SLC9B1: variants seen among roughly 807,000 people sequenced by gnomAD.
The protein encoded by SLC9B1 is sodium/hydrogen exchanger 9B1.
SLC9B1 carries 32 observed loss-of-function variants against 51.7 expected under a neutral mutation model. That is an observed-to-expected ratio of 0.62 (90% CI 0.47 to 0.83). The LOEUF (loss-of-function observed/expected upper bound fraction) is 0.83, where lower values mean the gene tolerates loss of function less well. Among genes scored for constraint, SLC9B1 ranks in the 40% least tolerant of loss-of-function variants. The pLI, the probability that SLC9B1 is intolerant of heterozygous loss-of-function variation, is 0.00. For missense variants in SLC9B1, 406 were observed against 613.2 expected (o/e 0.66, Z 3.57); for synonymous variants, 145 against 212.7 (o/e 0.68, Z 2.77).
At chr4:103,010,039 A>G (rs1262167582) in intron 1 of SLC9B1, among the ~76,000 whole-genome samples, 1 of 152,230 alleles carries the variant, frequency 6.6e-6, no homozygotes, top group African/African-American at 2.4e-5. Context: ...AATAGTATTT[A>G]GGATTTGATC....
chr4:102,991,720 T>G lies in SLC9B1; in HGVS notation c.-1-8A>C, dbSNP rs1289018707. On this transcript the variant is annotated splice_region_variant and splice_polypyrimidine_tract_variant and intron_variant, in intron 1 of 11. Transcript: ENST00000296422. Reference sequence around the variant, plus strand: ...GATTCTGTGGTATGCATGCTAAGATTTAAAAGAAAAATACTTTAAAAGAAG... The same window carrying G: ...GATTCTGTGGTATGCATGCTAAGATGTAAAAGAAAAATACTTTAAAAGAAG... The G allele has an allele frequency of 3.9e-6, 6 of 1,551,112 alleles. No individual in the cohort carries two copies. The Admixed American group carries it at 5.6e-5, about 14-fold the overall frequency.
chr4:102,998,865 A>T (rs1044297109), intron 1 of SLC9B1, among the ~76,000 whole-genome samples: 1 of 151,820 alleles, frequency 6.6e-6, no homozygotes, highest in African/African-American at 2.4e-5. Flanking sequence ...GTCCATTTTT[A>T]TTCTTATTTT....
At chr4:102,929,880 C>A (rs976652651) in intron 7 of SLC9B1, among the ~76,000 whole-genome samples, 4 of 151,980 alleles carry the variant, frequency 2.6e-5, no homozygotes, top group Non-Finnish European at 4.4e-5. Context: ...ATGACAGATA[C>A]CAATCATGAA....
chr4:102,947,329 G>T (rs1737316291), intron 4 of SLC9B1, among the ~76,000 whole-genome samples: 1 of 152,190 alleles, frequency 6.6e-6, no homozygotes, highest in African/African-American at 2.4e-5. Flanking sequence ...ATACAGAAGG[G>T]ACAGCAGAGA....
intron 1 of SLC9B1, among the ~76,000 whole-genome samples, chr4:102,992,793 T>C (rs1042911406): frequency 3.3e-5 from 5 of 152,192 alleles, no homozygotes; most frequent in Admixed American, 6.5e-5. Context: ...TATGAAGAGA[T>C]ACCTGAGTCT....
intron 11 of SLC9B1, chr4:102,885,511 C>CT: frequency 1.9e-6 from 2 of 1,073,020 alleles, no homozygotes; most frequent in Non-Finnish European, 2.8e-6. Flanking sequence ...TTTTGAAGTT[C>CT]TTTAAGATGA....
In SLC9B1 at chr4:102,966,735, C is replaced by T. The variant is rs577952017; in HGVS notation, c.212-17308G>A. The stretch of plus-strand genomic sequence containing the variant: ...TTGTCTCAATAATTATCAACTGGCT[C>T]TCTTCTCTCAGTGCTAATCTCTTTA... On this transcript the variant is annotated intron_variant, in intron 3 of 11. Coordinates refer to ENST00000296422, the MANE Select transcript of SLC9B1 (RefSeq NM_139173.4). Among the ~76,000 whole-genome samples the T allele has an allele frequency of 5.2e-4, 79 of 152,180 alleles. 1 individual carries two copies. In the Middle Eastern group the frequency reaches 0.01, roughly 20 times the overall value.
chr4:102,966,591 CT>C, intron 3 of SLC9B1, among the ~76,000 whole-genome samples: 1 of 152,306 alleles, frequency 6.6e-6, no homozygotes, highest in African/African-American at 2.4e-5. Context: ...GGAGCAGGAT[CT>C]CAAAACAGCA....
At chr4:102,987,134 T>G (rs1374836956) in intron 3 of SLC9B1, among the ~76,000 whole-genome samples, 1 of 152,144 alleles carries the variant, frequency 6.6e-6, no homozygotes, top group African/African-American at 2.4e-5. Flanking sequence ...AATTCTATAG[T>G]TCTATCACTA....
At chr4:102,998,077 G>T (rs1267780988) in intron 1 of SLC9B1, among the ~76,000 whole-genome samples, 1 of 151,984 alleles carries the variant, frequency 6.6e-6, no homozygotes, top group Non-Finnish European at 1.5e-5. Context: ...ATGTATATTT[G>T]CATTGTTAAG....
At chr4:102,899,636 A>G (rs1485165016), downstream of SLC9B1, among the ~76,000 whole-genome samples, 1 of 151,656 alleles carries the variant, frequency 6.6e-6, no homozygotes, top group Non-Finnish European at 1.5e-5. Context: ...TTGGTCTCGA[A>G]CTCCTGACCT....
chr4:102,894,147 A>G (rs1457864053), intron 11 of SLC9B1, among the ~76,000 whole-genome samples: 1 of 152,236 alleles, frequency 6.6e-6, no homozygotes, highest in Non-Finnish European at 1.5e-5. Context: ...TGAGAGGGCT[A>G]TTGTTAAGAT....
intron 3 of SLC9B1, among the ~76,000 whole-genome samples, chr4:102,982,900 G>A (rs1421763148): frequency 6.6e-6 from 1 of 151,934 alleles, no homozygotes. Context: ...TAATTCATTA[G>A]TTGGACTTCC....
chr4:103,006,561 A>T (rs1740797479), intron 1 of SLC9B1, among the ~76,000 whole-genome samples: 1 of 152,186 alleles, frequency 6.6e-6, no homozygotes, highest in Non-Finnish European at 1.5e-5. Context: ...ATTCTGCCAG[A>T]TATATAACGA....
At chr4:102,959,235 T>TATACACAC (rs1005783670) in intron 3 of SLC9B1, among the ~76,000 whole-genome samples, 222 of 149,456 alleles carry the variant, frequency 1.5e-3, no homozygotes, top group African/African-American at 5.2e-3. Context: ...CATATATATA[T>TATACACAC]ACACACACAC....
At chr4:102,977,943 T>G (rs1324274069) in intron 3 of SLC9B1, among the ~76,000 whole-genome samples, 1 of 152,176 alleles carries the variant, frequency 6.6e-6, no homozygotes, top group Non-Finnish European at 1.5e-5. Context: ...TATCTCCTAA[T>G]GCTATCCCTC....
At position 102,892,994 on chromosome 4, in the gene SLC9B1, G is replaced by C. The variant is rs190012642; in HGVS notation, c.1333-7666C>G. Among the ~76,000 whole-genome samples the C allele has an allele frequency of 5.5e-4, 83 of 152,146 alleles. 2 individuals carry two copies. The highest frequency in any genetic ancestry group is 1.6e-3 in the African/African-American group (68 of 41,518). On this transcript the variant is annotated intron_variant, in intron 11 of 11. Transcript: ENST00000394789. ...AGATGAAGGTAGAAAGATTCTCTTT[G>C]AGGGCCAGGTGCGGTGGCTCACACC...
intron 7 of SLC9B1, among the ~76,000 whole-genome samples, chr4:102,925,652 T>A (rs1578352247): frequency 1.5e-5 from 2 of 135,712 alleles, no homozygotes; most frequent in African/African-American, 5.8e-5. Context: ...TTGGAAAAAA[T>A]ATCAACATTG....
At chr4:102,935,503 A>G (rs966130318) in intron 6 of SLC9B1, among the ~76,000 whole-genome samples, 9 of 152,218 alleles carry the variant, frequency 5.9e-5, no homozygotes, top group African/African-American at 2.2e-4. Flanking sequence ...TTTAAGTAAA[A>G]TGAGACAAAT....
Sources: gnomAD v4.1 joint callset for allele counts (sites outside exome capture counted in the v4.1 genomes callset) on GRCh38, gnomAD v4.1.1 for gene constraint, MANE v1.5 for transcripts, NCBI Gene and HGNC (gene_info 2026-07-23, HGNC 2026-07-21) for gene names.